KCNH5: variants seen among roughly 807,000 people sequenced by gnomAD.
The protein encoded by KCNH5 is voltage-gated delayed rectifier potassium channel KCNH5.
A neutral mutation model predicts 96.1 loss-of-function variants in KCNH5; 46 were observed. That is an observed-to-expected ratio of 0.48 (90% CI 0.38 to 0.61). KCNH5 has a LOEUF of 0.61. KCNH5 is among the 20% of genes least tolerant of loss of function. The pLI is 0.00. For synonymous variants in KCNH5, 439 were observed against 449.8 expected (o/e 0.98, Z 0.30); for missense variants, 907 against 1,225.8 (o/e 0.74, Z 3.88).
chr14:62,746,361 C>T (rs1885375454), intron 10 of KCNH5, among the ~76,000 whole-genome samples: 1 of 152,208 alleles, frequency 6.6e-6, no homozygotes, highest in African/African-American at 2.4e-5. Flanking sequence ...ACATTATTCA[C>T]ATGCTTTGCC....
chr14:62,845,531 C>CTA (rs1485598781), intron 8 of KCNH5, among the ~76,000 whole-genome samples: 1 of 152,122 alleles, frequency 6.6e-6, no homozygotes, highest in East Asian at 1.9e-4. Context: ...TGAGAACAGA[C>CTA]TATACAGGGG....
intron 1 of KCNH5, among the ~76,000 whole-genome samples, chr14:63,039,050 A>T (rs1350577431): frequency 6.6e-6 from 1 of 152,082 alleles, no homozygotes; most frequent in Non-Finnish European, 1.5e-5. Flanking sequence ...GTGATTTGTT[A>T]TCCATGTTTA....
chr14:62,809,651 T>G (rs1886835668), intron 8 of KCNH5, among the ~76,000 whole-genome samples: 1 of 152,100 alleles, frequency 6.6e-6, no homozygotes, highest in Non-Finnish European at 1.5e-5. Context: ...TTAAGAAGCT[T>G]ATGTGAAATA....
chr14:62,838,217 G>A (rs548643071), intron 8 of KCNH5, among the ~76,000 whole-genome samples: 13 of 152,098 alleles, frequency 8.5e-5, no homozygotes, highest in Non-Finnish European at 1.8e-4. Flanking sequence ...TCATCCAGCC[G>A]GAATACAGGA....
intron 2 of KCNH5, among the ~76,000 whole-genome samples, chr14:63,007,440 G>A (rs1211325466): frequency 1.3e-5 from 2 of 152,018 alleles, no homozygotes; most frequent in Non-Finnish European, 2.9e-5. Flanking sequence ...TTTTTAAGAA[G>A]AAATAAAACA....
At chr14:62,745,091 A>C (rs1364607418) in intron 10 of KCNH5, among the ~76,000 whole-genome samples, 1 of 152,188 alleles carries the variant, frequency 6.6e-6, no homozygotes, top group Non-Finnish European at 1.5e-5. Flanking sequence ...TGACCACCTC[A>C]TTTCCTGCAG....
At chr14:62,919,481 C>T (rs1410647838) in intron 7 of KCNH5, among the ~76,000 whole-genome samples, 1 of 152,128 alleles carries the variant, frequency 6.6e-6, no homozygotes, top group Non-Finnish European at 1.5e-5. Context: ...GAGCATCTCA[C>T]ATTCCAAACT....
At position 62,725,255 on chromosome 14, in the gene KCNH5, A is replaced by G. The variant is rs187702587; in HGVS notation, c.2020-16800T>C. Among the ~76,000 whole-genome samples the G allele has an allele frequency of 1.3e-3, 195 of 152,326 alleles. 1 individual carries two copies. Among genetic ancestry groups the G allele is most frequent in the African/African-American group, 4.5e-3 (188 of 41,566 alleles). ...AAGCGATTGAAATTTAAAAAGAAAG[A>G]AAGAACATGTCTTTATACAGTCAAA... is the stretch of plus-strand genomic sequence containing the variant. On this transcript the variant is annotated intron_variant, in intron 10 of 10. Coordinates refer to ENST00000322893, the MANE Select transcript of KCNH5 (RefSeq NM_139318.5).
At chr14:63,008,362 A>G (rs542926643) in intron 2 of KCNH5, among the ~76,000 whole-genome samples, 2 of 152,112 alleles carry the variant, frequency 1.3e-5, no homozygotes, top group Non-Finnish European at 2.9e-5. Context: ...GCACCTGAAA[A>G]TACCAATCAA....
At chr14:62,812,867 T>C (rs904639358) in intron 8 of KCNH5, among the ~76,000 whole-genome samples, 5 of 152,168 alleles carry the variant, frequency 3.3e-5, no homozygotes, top group Admixed American at 2.0e-4. Flanking sequence ...TGACTCATTA[T>C]CACATTATAA....
intron 9 of KCNH5, among the ~76,000 whole-genome samples, chr14:62,785,393 C>G (rs2139982040): frequency 6.6e-6 from 1 of 152,328 alleles, no homozygotes; most frequent in Non-Finnish European, 1.5e-5. Context: ...CTTTTCTTTA[C>G]TGTACAAAAG....
Position 62,901,563 on chromosome 14 carries a change from C to CT in KCNH5, c.1369+48569dup, listed in dbSNP as rs555511196. ...TTGCTGGAAAGAATATAATTTCATT[C>CT]TTTTTTATGGCTGTGTAGTATTCCA... On this transcript the variant is annotated intron_variant, in intron 7 of 10. Transcript: ENST00000322893. Among the ~76,000 whole-genome samples, 58 of 152,266 alleles carry CT rather than the reference C, an allele frequency of 3.8e-4. 1 individual carries two copies. The East Asian group carries it at 0.011, about 28-fold the overall frequency.
intron 7 of KCNH5, among the ~76,000 whole-genome samples, chr14:62,937,275 C>G (rs1159797185): frequency 6.6e-6 from 1 of 152,146 alleles, no homozygotes; most frequent in African/African-American, 2.4e-5. Flanking sequence ...TAACCACCAC[C>G]ATCATCATCT....
At chr14:62,796,363 G>A (rs971074151) in intron 9 of KCNH5, among the ~76,000 whole-genome samples, 1 of 152,150 alleles carries the variant, frequency 6.6e-6, no homozygotes, top group African/African-American at 2.4e-5. Context: ...CTTAATTCAA[G>A]TGCTAAAGAC....
At chr14:62,996,416 T>G (rs1285737775) in intron 4 of KCNH5, among the ~76,000 whole-genome samples, 2 of 152,178 alleles carry the variant, frequency 1.3e-5, no homozygotes, top group African/African-American at 4.8e-5. Context: ...GAAAGAGACC[T>G]TTTTCTCTAA....
At chr14:62,881,748 T>C (rs1415491797) in intron 7 of KCNH5, among the ~76,000 whole-genome samples, 2 of 147,140 alleles carry the variant, frequency 1.4e-5, no homozygotes, top group East Asian at 4.4e-4. Context: ...ATCCATATTT[T>C]ACAGACCCAG....
intron 9 of KCNH5, among the ~76,000 whole-genome samples, chr14:62,790,911 A>G (rs1440594791): frequency 6.6e-6 from 1 of 151,812 alleles, no homozygotes; most frequent in Non-Finnish European, 1.5e-5. Flanking sequence ...GAATCATGTC[A>G]TCTACAAACA....
At chr14:62,921,701 C>G (rs879005597) in intron 7 of KCNH5, among the ~76,000 whole-genome samples, 2 of 152,134 alleles carry the variant, frequency 1.3e-5, no homozygotes, top group Admixed American at 1.3e-4. Flanking sequence ...ACTTCCCAAC[C>G]ATTTCACTGG....
chr14:62,941,284 C>A (rs1180897816), intron 7 of KCNH5, among the ~76,000 whole-genome samples: 1 of 152,092 alleles, frequency 6.6e-6, no homozygotes, highest in African/African-American at 2.4e-5. Context: ...ATTTGAGAGG[C>A]TTTGTGAAAA....
Sources: gnomAD v4.1 joint callset for allele counts (sites outside exome capture counted in the v4.1 genomes callset) on GRCh38, gnomAD v4.1.1 for gene constraint, MANE v1.5 for transcripts, NCBI Gene and HGNC (gene_info 2026-07-23, HGNC 2026-07-21) for gene names.